Variants in GBF1 observed in about 807,000 individuals in gnomAD.
The protein encoded by GBF1 is Golgi-specific brefeldin A-resistance guanine nucleotide exchange factor 1.
GBF1 carries 114 observed loss-of-function variants against 210.5 expected under a neutral mutation model. That is an observed-to-expected ratio of 0.54 (90% CI 0.47 to 0.63). The LOEUF is 0.63. Among genes scored for constraint, GBF1 ranks in the 30% least tolerant of loss-of-function variants. The pLI, the probability that GBF1 is intolerant of heterozygous loss-of-function variation, is 0.00. For synonymous variants in GBF1, 850 were observed against 889.2 expected (o/e 0.96, Z 0.78); for missense variants, 1,851 against 2,357.7 (o/e 0.79, Z 4.45).
chr10:102,289,439 T>A (rs1222138534), intron 3 of GBF1, among the ~76,000 whole-genome samples: 3 of 152,136 alleles, frequency 2.0e-5, no homozygotes, highest in Admixed American at 6.5e-5. Flanking sequence ...TCAAAAATTC[T>A]GGAAGCCAGA....
chr10:102,370,574 A>T, intron 28 of GBF1, 96 bp downstream of exon 28: 1 of 1,297,414 alleles, frequency 7.7e-7, no homozygotes, highest in Middle Eastern at 1.9e-4. Context: ...AACTGTAGGC[A>T]GCAGGGGAGA....
intron 1 of GBF1, among the ~76,000 whole-genome samples, chr10:102,255,603 G>A (rs1056938903): frequency 6.6e-6 from 1 of 152,144 alleles, no homozygotes; most frequent in South Asian, 2.1e-4. Context: ...TAACCTCTTA[G>A]CATTTTCTTA....
At chr10:102,232,008 G>A in the GBF1 span, 1 of 1,610,238 alleles carries the variant, frequency 6.2e-7, no homozygotes, top group Admixed American at 1.7e-5. Context: ...AGCTGGGGGT[G>A]CGGAGTGCCA....
chr10:102,316,084 C>G (rs866347025), intron 3 of GBF1, among the ~76,000 whole-genome samples: 4 of 133,110 alleles, frequency 3.0e-5, no homozygotes, highest in Non-Finnish European at 4.8e-5. Context: ...CTTCCCTCCA[C>G]TTTTTTTTTT....
chr10:102,299,973 C>T (rs1023718430), intron 3 of GBF1, among the ~76,000 whole-genome samples: 2 of 152,098 alleles, frequency 1.3e-5, no homozygotes, highest in Non-Finnish European at 2.9e-5. Context: ...TAAACTTTCA[C>T]ACCATCTGCA....
upstream of GBF1, among the ~76,000 whole-genome samples, chr10:102,243,656 G>T (rs913631043): frequency 4.6e-5 from 7 of 152,166 alleles, no homozygotes; most frequent in South Asian, 4.1e-4. Context: ...CAAATGAAGA[G>T]GAAAATGGCT....
At chr10:102,309,703 G>T (rs1446828677) in intron 3 of GBF1, among the ~76,000 whole-genome samples, 1 of 152,040 alleles carries the variant, frequency 6.6e-6, no homozygotes, top group Non-Finnish European at 1.5e-5. Context: ...TCATAACCTA[G>T]TTATGATTTT....
chr10:102,382,783 T>G lies in GBF1; in HGVS notation c.*447T>G. On this transcript the variant is annotated 3_prime_UTR_variant, in exon 40 of 40. Transcript: ENST00000369983. ...CAGTTTGGAGAGTTGACTGGCACCATGGAGGGTAGGCAGGTGGGGGCTGGG... is the reference window on the plus strand; with the variant it reads ...CAGTTTGGAGAGTTGACTGGCACCAGGGAGGGTAGGCAGGTGGGGGCTGGG... 6.1e-6 allele frequency: 1 copy of G among 163,794 alleles called. No homozygotes were observed. The highest frequency in any genetic ancestry group is 1.3e-5 in the Non-Finnish European group (1 of 75,598). 10.1% of individuals were successfully genotyped at this position (163,794 alleles called of 1,614,324 possible). A position where few individuals can be genotyped will look rare whatever the true frequency, so the allele number is the denominator to read the frequency against.
chr10:102,370,265 A>C lies in GBF1; in HGVS notation c.3411+20A>C. 1 of 1,556,930 alleles carries C rather than the reference A, an allele frequency of 6.4e-7. No individual in the cohort carries two copies. The highest frequency in any genetic ancestry group is 1.7e-4 in the Middle Eastern group (1 of 5,956). ...ATGAAGGTAAAGGATGAAGAAAGGA[A>C]ACATGGAACAACTGGCTGAATCTGG... On this transcript the variant is annotated intron_variant, in intron 27 of 39. Transcript: ENST00000369983.
At chr10:102,291,709 C>CT (rs763653866) in intron 3 of GBF1, among the ~76,000 whole-genome samples, 1 of 152,078 alleles carries the variant, frequency 6.6e-6, no homozygotes, top group Non-Finnish European at 1.5e-5. Context: ...AGCGAAAGGC[C>CT]TTGCCTGTAT....
intron 2 of GBF1, among the ~76,000 whole-genome samples, chr10:102,259,329 T>C (rs191899111): frequency 3.7e-4 from 56 of 152,326 alleles, no homozygotes; most frequent in Non-Finnish European, 6.6e-4. Context: ...AGATTCTTTA[T>C]TTTCTAATTC....
chr10:102,235,150 T>C, the GBF1 span, among the ~76,000 whole-genome samples: 1 of 145,570 alleles, frequency 6.9e-6, no homozygotes, highest in African/African-American at 2.6e-5. Flanking sequence ...GTTTTGGAGC[T>C]AGCCATTATT....
At chr10:102,289,810 A>G (rs755801699) in intron 3 of GBF1, among the ~76,000 whole-genome samples, 12 of 152,218 alleles carry the variant, frequency 7.9e-5, no homozygotes, top group Non-Finnish European at 1.6e-4. Context: ...CCTTTGTGCC[A>G]TAAAATCACT....
At chr10:102,300,976 C>CTTTTT (rs11413620) in intron 3 of GBF1, among the ~76,000 whole-genome samples, 1 of 136,270 alleles carries the variant, frequency 7.3e-6, no homozygotes, top group Non-Finnish European at 1.6e-5. Context: ...ATTTTCTTTT[C>CTTTTT]TTTTTTTTTT....
chr10:102,375,787 G>A (rs1238126649), intron 30 of GBF1, among the ~76,000 whole-genome samples: 1 of 152,056 alleles, frequency 6.6e-6, no homozygotes, highest in African/African-American at 2.4e-5. Flanking sequence ...GCAGACGGCT[G>A]TGAAGCCAGG....
chr10:102,381,147 C>CA lies in GBF1; in HGVS notation c.5196dup (p.Gly1733ArgfsTer18). The CA allele has an allele frequency of 1.2e-6, 2 of 1,614,032 alleles. No homozygotes were observed. The highest frequency in any genetic ancestry group is 1.7e-6 in the Non-Finnish European group (2 of 1,179,956). ...TCCAGACCCCATGCCCATGGAGCCT[C>CA]AAGGCCAAAAGCCTCTCGCCTCAGC... On this transcript the variant is annotated frameshift_variant, in exon 39 of 40. Transcript: ENST00000369983. LOFTEE classifies it high-confidence loss of function.
chr10:102,251,069 AATAAGGC>A (rs2071470228), intron 1 of GBF1, among the ~76,000 whole-genome samples: 1 of 152,174 alleles, frequency 6.6e-6, no homozygotes, highest in Non-Finnish European at 1.5e-5. Flanking sequence ...AGCCAAAGAA[AATAAGGC>A]ATATATGAAG....
intron 4 of GBF1, among the ~76,000 whole-genome samples, chr10:102,344,425 G>A (rs2058394223): frequency 6.6e-6 from 1 of 152,206 alleles, no homozygotes; most frequent in Admixed American, 6.5e-5. Flanking sequence ...GCTTTGGAAA[G>A]AGTTAAGGGT....
upstream of GBF1, chr10:102,241,614 C>G (rs2070540757): frequency 1.3e-5 from 2 of 152,430 alleles, no homozygotes; most frequent in African/African-American, 4.8e-5. This position sits in a 1 kb window ranked among gnomAD's most constrained non-coding sequence, Gnocchi z 6.7. Flanking sequence ...AGCTGCCCTG[C>G]TGGGGCTCCG....
Sources: allele counts gnomAD v4.1 joint callset (sites outside exome capture counted in the v4.1 genomes callset), GRCh38; gene constraint gnomAD v4.1.1; non-coding constraint Gnocchi (gnomAD v3.1); transcripts MANE v1.5; gene names NCBI Gene and HGNC (gene_info 2026-07-23, HGNC 2026-07-21).